CCZ1: variants seen among roughly 807,000 people sequenced by gnomAD.
The protein encoded by CCZ1 is CCZ1 vacuolar protein trafficking and biogenesis associated, also known as vacuolar fusion protein CCZ1 homolog.
In CCZ1, 19 loss-of-function variants were observed where a neutral mutation model predicts 57.8. The ratio of observed to expected loss-of-function variants is 0.33; its 90% confidence interval spans 0.23 to 0.48. CCZ1 has a LOEUF of 0.48. Ranked by LOEUF, CCZ1 falls within the 20% of genes least tolerant of loss-of-function variation. The probability of loss-of-function intolerance (pLI) is 0.99; values close to 1 mark genes in which losing one functional copy is unlikely to be tolerated. For synonymous variants in CCZ1, 81 were observed against 167.0 expected (o/e 0.49, Z 3.97); for missense variants, 200 against 492.0 (o/e 0.41, Z 5.61).
intron 7 of CCZ1, among the ~76,000 whole-genome samples, chr7:5,907,838 T>A (rs1396890150): frequency 2.6e-4 from 21 of 81,974 alleles, no homozygotes; most frequent in African/African-American, 6.3e-4. Context: ...TGCTTACACC[T>A]GTCATCCCAG....
At chr7:5,920,910 G>T (rs1211094852) in intron 12 of CCZ1, among the ~76,000 whole-genome samples, 1 of 120,210 alleles carries the variant, frequency 8.3e-6, no homozygotes, top group African/African-American at 3.3e-5. Context: ...GTGAATTTCT[G>T]CATACGCTCA....
At chr7:5,905,914 T>TTC (rs1781804711) in intron 7 of CCZ1, among the ~76,000 whole-genome samples, 8 of 138,066 alleles carry the variant, frequency 5.8e-5, no homozygotes, top group Non-Finnish European at 9.2e-5. Context: ...TTTTTTTTTT[T>TTC]TTTCTTTCTT....
rs571950436 is a variant in CCZ1, at chr7:5,922,928, G to A, written c.1107-459G>A. Among the ~76,000 whole-genome samples, 271 of 150,422 alleles carry A rather than the reference G, an allele frequency of 1.8e-3. 3 individuals carry two copies. The highest frequency in any genetic ancestry group is 0.014 in the Middle Eastern group (4 of 294). On this transcript the variant is annotated intron_variant, in intron 12 of 14. Coordinates refer to ENST00000325974, the MANE Select transcript of CCZ1 (RefSeq NM_015622.6). ...GATGTCACGGGCTGTATGTAGATAC[G>A]TGTTAAAACTACTCAACTGTCATTT... is the stretch of plus-strand genomic sequence containing the variant.
At chr7:5,902,586 A>C in intron 5 of CCZ1, 75 bp from the exon 6 acceptor site, 1 of 1,494,376 alleles carries the variant, frequency 6.7e-7, no homozygotes, top group Middle Eastern at 1.8e-4. Context: ...ATCTAAAGGA[A>C]AAAAAGAACT....
chr7:5,901,645 T>C lies in CCZ1; in HGVS notation c.391-12T>C. 1.9e-6 allele frequency: 3 copies of C among 1,595,292 alleles called. No individual in the cohort carries two copies. Among genetic ancestry groups the C allele is most frequent in the Non-Finnish European group, 2.6e-6 (3 of 1,174,394 alleles). On this transcript the variant is annotated splice_polypyrimidine_tract_variant and intron_variant, in intron 4 of 14. Coordinates refer to ENST00000325974, the MANE Select transcript of CCZ1 (RefSeq NM_015622.6). ...TTGAACTGAGCTGTGTGCTGTGTTTTCGCGTCTGCAGGACAAGGTTTATAG... is the reference window on the plus strand; with the variant it reads ...TTGAACTGAGCTGTGTGCTGTGTTTCCGCGTCTGCAGGACAAGGTTTATAG...
At chr7:5,905,045 T>C in intron 6 of CCZ1, 49 bp from the exon 7 acceptor site, 1 of 1,502,000 alleles carries the variant, frequency 6.7e-7, no homozygotes, top group Non-Finnish European at 9.1e-7. Context: ...AGGAGCATTA[T>C]ATTCAGTGTA....
chr7:5,913,373 C>CT (rs1779083156), intron 10 of CCZ1, among the ~76,000 whole-genome samples: 2 of 127,228 alleles, frequency 1.6e-5, no homozygotes, highest in Non-Finnish European at 3.4e-5. Flanking sequence ...AGGACATGGT[C>CT]TTGTAAGGAT....
rs1273445775 is a variant in CCZ1, at chr7:5,919,849, CCT to C, written c.992_993del (p.Ser331CysfsTer25). On this transcript the variant is annotated frameshift_variant and splice_region_variant, in exon 12 of 15. Transcript: ENST00000325974. LOFTEE classifies it high-confidence loss of function. ...GGTATTTTTTGTCATGACTTGCCAG[CCT>C]CTGTCCACCCAACGTTGGATTTTTG... 2 of 1,610,662 alleles carry C rather than the reference CCT, an allele frequency of 1.2e-6. No homozygotes were observed. Among genetic ancestry groups the C allele is most frequent in the Non-Finnish European group, 1.7e-6 (2 of 1,178,340 alleles).
intron 9 of CCZ1, among the ~76,000 whole-genome samples, chr7:5,912,256 C>A (rs1218709817): frequency 1.5e-5 from 2 of 134,866 alleles, no homozygotes; most frequent in Non-Finnish European, 3.1e-5. Context: ...CCATGCGTGG[C>A]CTATTATCTT....
intron 7 of CCZ1, among the ~76,000 whole-genome samples, chr7:5,908,811 C>T (rs910330274): frequency 1.4e-5 from 2 of 143,988 alleles, no homozygotes; most frequent in Admixed American, 7.0e-5. Context: ...TGTGCTGCTC[C>T]TTCCTGCCTC....
intron 9 of CCZ1, among the ~76,000 whole-genome samples, chr7:5,912,284 G>A (rs1289888524): frequency 7.4e-6 from 1 of 134,448 alleles, no homozygotes; most frequent in East Asian, 2.6e-4. Context: ...AAGATAATAT[G>A]GACATTGAAA....
chr7:5,907,546 C>T (rs1781862274), intron 7 of CCZ1, among the ~76,000 whole-genome samples: 1 of 146,766 alleles, frequency 6.8e-6, no homozygotes, highest in African/African-American at 2.5e-5. Context: ...AGAGGGAAGG[C>T]TTAGAGCAGA....
intron 7 of CCZ1, among the ~76,000 whole-genome samples, chr7:5,905,909 T>C (rs1176065358): frequency 1.5e-5 from 2 of 136,584 alleles, no homozygotes; most frequent in African/African-American, 2.7e-5. Flanking sequence ...TACCTTTTTT[T>C]TTTTTTTTCT....
At chr7:5,915,120 A>AG (rs1358024586) in intron 10 of CCZ1, among the ~76,000 whole-genome samples, 2 of 147,182 alleles carry the variant, frequency 1.4e-5, no homozygotes, top group East Asian at 4.2e-4. Context: ...CAGCAGGAGG[A>AG]GGGAGGGCTC....
In CCZ1 at chr7:5,912,468, C is replaced by T. The variant is rs549100870; in HGVS notation, c.843-375C>T. Among the ~76,000 whole-genome samples, 3 of 124,572 alleles carry T rather than the reference C, an allele frequency of 2.4e-5. No homozygotes were observed. The Admixed American group carries it at 2.8e-4, about 12-fold the overall frequency. 81.7% of individuals were successfully genotyped at this position (124,572 alleles called of 152,430 possible). A position where few individuals can be genotyped will look rare whatever the true frequency, so the allele number is the denominator to read the frequency against. On this transcript the variant is annotated intron_variant, in intron 9 of 14. Coordinates refer to ENST00000325974, the MANE Select transcript of CCZ1 (RefSeq NM_015622.6). ...AGTGTGGAGTACAGTGGCACGATCT[C>T]AGCTCACTGCAGCCTCCATCTCCTA...
intron 7 of CCZ1, among the ~76,000 whole-genome samples, chr7:5,908,759 T>C (rs536214456): frequency 7.0e-6 from 1 of 143,632 alleles, no homozygotes; most frequent in Non-Finnish European, 1.5e-5. Flanking sequence ...AAAAAACCGG[T>C]TCCAGAGTCT....
intron 10 of CCZ1, 82 bp downstream of exon 10, chr7:5,913,036 CCT>C (rs1216596479): frequency 6.7e-7 from 1 of 1,488,788 alleles, no homozygotes; most frequent in African/African-American, 1.5e-5. Context: ...CATGTGCAAA[CCT>C]CTTAAATGTT....
chr7:5,914,176 C>T lies in CCZ1; in HGVS notation c.954+1222C>T, dbSNP rs1372062261. Among the ~76,000 whole-genome samples, 5 of 147,826 alleles carry T rather than the reference C, an allele frequency of 3.4e-5. 1 individual carries two copies. In the East Asian group the frequency reaches 1.1e-3, roughly 34 times the overall value. ...ATATAAAATTGAAATGGGCCAGGTG[C>T]AGTCCCAGCACTTTGGGAGGCCAAG... On this transcript the variant is annotated intron_variant, in intron 10 of 14. Transcript: ENST00000325974.
chr7:5,901,679 T>C lies in CCZ1; in HGVS notation c.413T>C (p.Leu138Pro), dbSNP rs1165541245. ...ELLDKVYSSV[L>P]RQCYSMYKLF... ...CAGGACAAGGTTTATAGCTCGGTGCTGCGGCAGTGCTACAGCATGTACAAG... is the reference window on the plus strand; with the variant it reads ...CAGGACAAGGTTTATAGCTCGGTGCCGCGGCAGTGCTACAGCATGTACAAG... The change falls in exon 5 of 15, where the codon CTG becomes CCG. Residue 138 changes from leucine to proline, a missense_variant. Coordinates refer to ENST00000325974, the MANE Select transcript of CCZ1 (RefSeq NM_015622.6). The C allele has an allele frequency of 1.3e-6, 2 of 1,598,884 alleles. No homozygotes were observed. Among genetic ancestry groups the C allele is most frequent in the African/African-American group, 2.8e-5 (2 of 72,676 alleles).
Sources: allele counts gnomAD v4.1 joint callset (sites outside exome capture counted in the v4.1 genomes callset), GRCh38; gene constraint gnomAD v4.1.1; transcripts MANE v1.5; gene names NCBI Gene and HGNC (gene_info 2026-07-23, HGNC 2026-07-21).